The following CLIP1 variants were observed in gnomAD, a reference collection of about 807,000 sequenced individuals.
CLIP1 encodes the protein CAP-Gly domain-containing linker protein 1.
In CLIP1, 66 loss-of-function variants were observed where a neutral mutation model predicts 161.6. That is an observed-to-expected ratio of 0.41 (90% CI 0.33 to 0.50). The LOEUF (loss-of-function observed/expected upper bound fraction) is 0.50, where lower values mean the gene tolerates loss of function less well. CLIP1 is among the 20% of genes least tolerant of loss of function. The pLI is 0.27. For missense variants in CLIP1, 1,376 were observed against 1,702.0 expected, an observed-to-expected ratio of 0.81 and a Z score of 3.37; for synonymous variants, 598 against 626.2, an observed-to-expected ratio of 0.96 and a Z score of 0.67.
intron 1 of CLIP1, among the ~76,000 whole-genome samples, chr12:122,411,124 T>G (rs2137165695): frequency 6.6e-6 from 1 of 152,242 alleles, no homozygotes; most frequent in East Asian, 1.9e-4. Flanking sequence ...CACAAAAAAT[T>G]AGACACAAGA....
intron 15 of CLIP1, 25 bp downstream of exon 15, chr12:122,332,962 C>CA: frequency 6.2e-7 from 1 of 1,602,548 alleles, no homozygotes; most frequent in Non-Finnish European, 8.5e-7. Flanking sequence ...CTAAGGTCAG[C>CA]ACTCTTTTCA....
At chr12:122,352,871 ACGT>A in intron 7 of CLIP1, 85 bp from the exon 8 acceptor site, 1 of 1,180,194 alleles carries the variant, frequency 8.5e-7, no homozygotes, top group South Asian at 1.2e-5. Flanking sequence ...ACAAAAAAAC[ACGT>A]TGGGCATGGT....
In CLIP1 at chr12:122,420,291, G is replaced by A. The variant is rs547788546; in HGVS notation, c.-107+2230C>T. 4.6e-5 allele frequency among the ~76,000 whole-genome samples: 7 copies of A among 151,810 alleles called. No homozygotes were observed. In the South Asian group the frequency reaches 1.5e-3, roughly 32 times the overall value. Reference sequence around the variant, plus strand: ...ACCCAGTAGGCAGAGGTTGCAGTGAGCCGAGATCACTCCATTGCACTCCAG... The same window carrying A: ...ACCCAGTAGGCAGAGGTTGCAGTGAACCGAGATCACTCCATTGCACTCCAG... On this transcript the variant is annotated intron_variant, in intron 1 of 25. Transcript: ENST00000620786.
chr12:122,300,147 G>A (rs1459618978), intron 20 of CLIP1, among the ~76,000 whole-genome samples: 3 of 152,144 alleles, frequency 2.0e-5, no homozygotes. Context: ...GTATGTGCCT[G>A]TGGTCCCAAC....
chr12:122,382,598 G>C (rs1165704141), intron 1 of CLIP1, among the ~76,000 whole-genome samples: 1 of 151,720 alleles, frequency 6.6e-6, no homozygotes, highest in Non-Finnish European at 1.5e-5. Context: ...TGTAATCCCA[G>C]GTACTCAGGT....
chr12:122,318,686 G>A (rs974185795), intron 18 of CLIP1, among the ~76,000 whole-genome samples: 3 of 152,334 alleles, frequency 2.0e-5, no homozygotes, highest in Non-Finnish European at 4.4e-5. Context: ...TATGAGCTAG[G>A]AGGGTGGGAG....
intron 17 of CLIP1, among the ~76,000 whole-genome samples, chr12:122,321,528 CTTT>C (rs1194931118): frequency 1.3e-5 from 2 of 148,576 alleles, no homozygotes; most frequent in Non-Finnish European, 3.0e-5. Context: ...CCTGGCTGTT[CTTT>C]TTTTTTAGAT....
chr12:122,279,133 G>T lies in CLIP1; in HGVS notation c.3660C>A (p.Phe1220Leu). The change falls in exon 22 of 26, where the codon TTC becomes TTA. Residue 1220 changes from phenylalanine to leucine, a missense_variant. Around this residue, in one of 6 missense-constraint regions of CLIP1, gnomAD observed 948 missense variants for 1,134.8 expected, o/e 0.84. Transcript: ENST00000620786. The surrounding 1 kb of genome is among the most constrained non-coding windows in gnomAD (Gnocchi z 4.5). ...LLEMKKRESK[F>L]IKDADEEKAS... is the part of the protein sequence containing the mutation. ...CTTTCTCTTCATCTGCGTCTTTTAT[G>T]AACTTGGATTCTCTAAAAGACCAAA... 1 of 1,610,578 alleles carries T rather than the reference G, an allele frequency of 6.2e-7. No individual in the cohort carries two copies. Among genetic ancestry groups the T allele is most frequent in the South Asian group, 1.1e-5 (1 of 90,676 alleles).
At chr12:122,365,122 T>C (rs936195315) in intron 3 of CLIP1, 2 of 406,772 alleles carry the variant, frequency 4.9e-6, no homozygotes, top group African/African-American at 2.2e-5. Context: ...CATTAGGAGA[T>C]ATACCTAATG....
At chr12:122,349,452 C>T (rs1352889029) in intron 9 of CLIP1, among the ~76,000 whole-genome samples, 1 of 152,132 alleles carries the variant, frequency 6.6e-6, no homozygotes, top group African/African-American at 2.4e-5. Flanking sequence ...TGCGCCACCA[C>T]ACCTGGCTAA....
chr12:122,334,758 CAAG>C lies in CLIP1; in HGVS notation c.2569-56_2569-54del, dbSNP rs1952137019. The C allele has an allele frequency of 2.0e-5, 23 of 1,146,626 alleles. No homozygotes were observed. The South Asian group carries it at 2.9e-4, about 14-fold the overall frequency. 71.0% of individuals were successfully genotyped at this position (1,146,626 alleles called of 1,614,324 possible). ...ACAGAAAGATTTCAAATTGTAAAGA[CAAG>C]AAGTTTCTATCAATTATAACTACGA... On this transcript the variant is annotated intron_variant, in intron 12 of 25. Transcript: ENST00000620786.
rs1429627668 is a variant in CLIP1, at chr12:122,355,496, C to T, written c.1006-184G>A. The T allele has an allele frequency of 1.7e-6, 1 of 594,156 alleles. No individual in the cohort carries two copies. The highest frequency in any genetic ancestry group is 3.0e-6 in the Non-Finnish European group (1 of 332,588). 36.8% of individuals were successfully genotyped at this position (594,156 alleles called of 1,614,324 possible). On this transcript the variant is annotated intron_variant, in intron 5 of 25. Transcript: ENST00000620786. The surrounding 1 kb of genome is among the most constrained non-coding windows in gnomAD (Gnocchi z 4.1). ...CAGTGTGTGCCTTCTGTCTATAAAT[C>T]TCACAAAGAATACATCAACGTAAAG...
At chr12:122,352,344 A>G (rs568866818) in intron 8 of CLIP1, among the ~76,000 whole-genome samples, 1 of 152,266 alleles carries the variant, frequency 6.6e-6, no homozygotes, top group East Asian at 1.9e-4. Flanking sequence ...GGCGTGAACC[A>G]CCGCACCCGG....
chr12:122,315,868 C>T (rs1477421967), intron 19 of CLIP1, among the ~76,000 whole-genome samples: 1 of 151,946 alleles, frequency 6.6e-6, no homozygotes, highest in Non-Finnish European at 1.5e-5. Flanking sequence ...GTCTCAATCT[C>T]CTGACTTCGT....
At chr12:122,410,458 C>CTTT (rs34639257) in intron 1 of CLIP1, among the ~76,000 whole-genome samples, 1 of 119,512 alleles carries the variant, frequency 8.4e-6, no homozygotes, top group African/African-American at 3.0e-5. Context: ...CACACACACA[C>CTTT]TTTTTTTTTT....
At chr12:122,337,026 T>C (rs1375249867) in intron 11 of CLIP1, among the ~76,000 whole-genome samples, 1 of 151,252 alleles carries the variant, frequency 6.6e-6, no homozygotes, top group African/African-American at 2.4e-5. Flanking sequence ...TAGAGTGCAG[T>C]GGTGTGATCA....
At chr12:122,315,984 T>C (rs1421653151) in intron 19 of CLIP1, among the ~76,000 whole-genome samples, 1 of 151,862 alleles carries the variant, frequency 6.6e-6, no homozygotes, top group East Asian at 2.0e-4. Flanking sequence ...GAAAGTGACA[T>C]GCTATTTGAT....
chr12:122,358,744 TA>T (rs71082973), intron 5 of CLIP1, among the ~76,000 whole-genome samples: 13,344 of 144,106 alleles, frequency 0.093, 681 homozygotes, highest in Middle Eastern at 0.17. Context: ...TAGTTGACTT[TA>T]AAAAAAAAAA....
chr12:122,344,692 C>T (rs1952662830), intron 10 of CLIP1, among the ~76,000 whole-genome samples: 1 of 152,152 alleles, frequency 6.6e-6, no homozygotes, highest in Non-Finnish European at 1.5e-5. Flanking sequence ...GGTATGTCTG[C>T]TTCTCCCACT....
Sources: gnomAD v4.1 joint callset for allele counts (sites outside exome capture counted in the v4.1 genomes callset) on GRCh38, gnomAD v4.1.1 for gene constraint, gnomAD v4.1.1 regional missense constraint, Gnocchi (gnomAD v3.1) non-coding constraint, MANE v1.5 for transcripts, NCBI Gene and HGNC (gene_info 2026-07-23, HGNC 2026-07-21) for gene names.